The following PRUNE2 variants were observed in gnomAD, a reference collection of about 807,000 sequenced individuals.
PRUNE2 encodes protein prune homolog 2.
A neutral mutation model predicts 252.0 loss-of-function variants in PRUNE2; 164 were observed. The observed-to-expected ratio is 0.65, with a 90% CI of 0.57 to 0.74. The LOEUF (loss-of-function observed/expected upper bound fraction) is 0.74, where lower values mean the gene tolerates loss of function less well. PRUNE2 is among the 30% of genes least tolerant of loss of function. PRUNE2 has a pLI of 0.00. For missense variants in PRUNE2, 3,495 were observed against 3,711.0 expected, an observed-to-expected ratio of 0.94 and a Z score of 1.51; for synonymous variants, 1,292 against 1,350.2, an observed-to-expected ratio of 0.96 and a Z score of 0.94.
chr9:76,864,522 AAATGTCTTT>A (rs2060729958), intron 1 of PRUNE2, among the ~76,000 whole-genome samples: 1 of 152,222 alleles, frequency 6.6e-6, no homozygotes, highest in Admixed American at 6.5e-5. Flanking sequence ...GTTCATTATC[AAATGTCTTT>A]AAAAGTAAGA....
intron 6 of PRUNE2, among the ~76,000 whole-genome samples, chr9:76,762,784 C>T (rs1200369626): frequency 6.6e-6 from 1 of 152,268 alleles, no homozygotes; most frequent in Middle Eastern, 3.4e-3. Flanking sequence ...ACGTAAGGAG[C>T]CTCAGTGGCT....
intron 18 of PRUNE2, among the ~76,000 whole-genome samples, chr9:76,617,826 C>A (rs533220841): frequency 6.6e-6 from 1 of 152,324 alleles, no homozygotes; most frequent in South Asian, 2.1e-4. Context: ...CAAGATGTAG[C>A]AGCGATGGGC....
At position 76,710,847 on chromosome 9, in the gene PRUNE2, G is replaced by T; in HGVS notation, c.1427C>A (p.Ala476Glu). ...LDSYSPIPEGAVAEEHAWSGE... is the reference protein window; with the variant it reads ...LDSYSPIPEGEVAEEHAWSGE... Reference sequence around the variant, plus strand: ...AGACCATGCATGTTCCTCCGCCACCGCCCCTTCAGGGATGGGGCTGTAGGA... The same window carrying T: ...AGACCATGCATGTTCCTCCGCCACCTCCCCTTCAGGGATGGGGCTGTAGGA... The change falls in exon 8 of 19, where the codon GCG (alanine) becomes GAG (glutamate). Residue 476 changes from alanine to glutamate, a missense_variant. Coordinates refer to ENST00000376718, the MANE Select transcript of PRUNE2 (RefSeq NM_015225.3). 1 of 1,543,458 alleles carries T rather than the reference G, an allele frequency of 6.5e-7. No individual in the cohort carries two copies. The highest frequency in any genetic ancestry group is 8.7e-7 in the Non-Finnish European group (1 of 1,146,992).
At chr9:76,748,664 A>G (rs2050348218) in intron 6 of PRUNE2, 1 of 152,274 alleles carries the variant, frequency 6.6e-6, no homozygotes. Context: ...AACTTGCAGA[A>G]GCAATTTGAC....
intron 15 of PRUNE2, among the ~76,000 whole-genome samples, chr9:76,632,484 T>C (rs1436717087): frequency 6.6e-5 from 10 of 152,206 alleles, no homozygotes; most frequent in Admixed American, 6.5e-4. Flanking sequence ...ACGGAGCCTA[T>C]CATTTCTAGG....
rs750115171 is a variant in PRUNE2 at position 76,707,001 on chromosome 9, T to C, written c.5273A>G (p.Asp1758Gly). The change falls in exon 8 of 19, where the codon GAC becomes GGC. Residue 1758 changes from aspartate to glycine, a missense_variant. Asp to Gly is a moderately conservative substitution (Grantham distance 94, BLOSUM62 -1). Coordinates refer to ENST00000376718, the MANE Select transcript of PRUNE2 (RefSeq NM_015225.3). The stretch of plus-strand genomic sequence containing the variant: ...GGGATCAGGGCTGCTTTGTTGATTG[T>C]CACAGAATGGGTTTGACTTATTCTC... Reference protein sequence around the residue: ...ENENKSNPFCDNQQSSPDPWT... With the variant: ...ENENKSNPFCGNQQSSPDPWT... The C allele has an allele frequency of 1.2e-6, 2 of 1,614,058 alleles. No individual in the cohort carries two copies. The highest frequency in any genetic ancestry group is 8.5e-7 in the Non-Finnish European group (1 of 1,179,884).
Position 76,704,805 on chromosome 9 carries a change from T to A in PRUNE2, c.7469A>T (p.Asp2490Val), listed in dbSNP as rs2046192531. ...TCCACCTGCTGGTAAATCAGAATTA[T>A]CTGTTTCTACTTCCCAGTCAACGTT... ...PSNVDWEVETDNSDLPAGGDI... is the reference protein window; with the variant it reads ...PSNVDWEVETVNSDLPAGGDI... Residue 2490 changes from aspartate to valine, a missense_variant, in exon 8 of 19, where the codon GAT (aspartate) becomes GTT (valine). By Grantham distance (152) the Asp-to-Val change is radical (BLOSUM62 -3). Transcript: ENST00000376718. 6.3e-7 allele frequency: 1 copy of A among 1,579,706 alleles called. No homozygotes were observed. Among genetic ancestry groups the A allele is most frequent in the African/African-American group, 1.3e-5 (1 of 74,346 alleles).
intron 6 of PRUNE2, among the ~76,000 whole-genome samples, chr9:76,745,335 G>T (rs1057317020): frequency 6.6e-6 from 1 of 152,180 alleles, no homozygotes; most frequent in African/African-American, 2.4e-5. Context: ...CTGAGGTGTA[G>T]ACATAAACAA....
At chr9:76,771,323 CA>C (rs1257793161) in intron 6 of PRUNE2, among the ~76,000 whole-genome samples, 3 of 152,074 alleles carry the variant, frequency 2.0e-5, no homozygotes, top group African/African-American at 7.2e-5. Context: ...GATACAATAA[CA>C]AAATGAAAAC....
chr9:76,772,221 C>T lies in PRUNE2; in HGVS notation c.756+51411G>A, dbSNP rs912709967. Among the ~76,000 whole-genome samples, 3 of 152,146 alleles carry T rather than the reference C, an allele frequency of 2.0e-5. No individual in the cohort carries two copies. In the South Asian group the frequency reaches 6.2e-4, roughly 32 times the overall value. ...ACCACTTTTTGAGAAGACACCAGTG[C>T]CCACTACAGAGGGAAATAACAGAAT... On this transcript the variant is annotated intron_variant, in intron 6 of 18. Transcript: ENST00000376718.
At chr9:76,831,187 C>T (rs1254356385) in intron 4 of PRUNE2, among the ~76,000 whole-genome samples, 1 of 151,976 alleles carries the variant, frequency 6.6e-6, no homozygotes, top group Non-Finnish European at 1.5e-5. Flanking sequence ...CCTCGGCCTC[C>T]CAAAGTGCTG....
At chr9:76,876,314 C>T (rs2061474113) in intron 1 of PRUNE2, among the ~76,000 whole-genome samples, 1 of 152,128 alleles carries the variant, frequency 6.6e-6, no homozygotes, top group South Asian at 2.1e-4. Flanking sequence ...GGAACACTTC[C>T]TGTTTTTCTG....
intron 6 of PRUNE2, among the ~76,000 whole-genome samples, chr9:76,772,005 T>C (rs995006038): frequency 1.3e-5 from 2 of 152,212 alleles, no homozygotes; most frequent in Admixed American, 6.5e-5. Context: ...CAAATTTGCC[T>C]ATACGAAGTC....
intron 15 of PRUNE2, among the ~76,000 whole-genome samples, chr9:76,629,585 T>C (rs1246979500): frequency 2.0e-5 from 3 of 149,678 alleles, no homozygotes; most frequent in Non-Finnish European, 3.0e-5. Flanking sequence ...AATTTACGTA[T>C]GTATTACTTC....
Position 76,655,872 on chromosome 9 carries a change from C to T in PRUNE2, c.8277-370G>A, listed in dbSNP as rs186828497. Among the ~76,000 whole-genome samples, 781 of 152,266 alleles carry T rather than the reference C, an allele frequency of 5.1e-3. 9 individuals are homozygous for T. The highest frequency in any genetic ancestry group is 0.018 in the African/African-American group (748 of 41,532). On this transcript the variant is annotated intron_variant, in intron 9 of 18. Coordinates refer to ENST00000376718, the MANE Select transcript of PRUNE2 (RefSeq NM_015225.3). ...ATATGTGCTTTGTACACATCTCTTA[C>T]TCTGTAAATTTGAGTATTTTAATTA...
At chr9:76,636,301 CT>C (rs1189132893) in intron 15 of PRUNE2, among the ~76,000 whole-genome samples, 169 bp downstream of exon 15, 43 of 152,248 alleles carry the variant, frequency 2.8e-4, no homozygotes, top group African/African-American at 8.4e-4. Flanking sequence ...CATTTTCTCT[CT>C]TAATTCGGGA....
intron 4 of PRUNE2, among the ~76,000 whole-genome samples, chr9:76,839,398 G>A (rs1274069694): frequency 1.3e-5 from 2 of 152,160 alleles, no homozygotes; most frequent in African/African-American, 4.8e-5. Context: ...AAAGAGAGAT[G>A]ACGAGATACT....
intron 1 of PRUNE2, among the ~76,000 whole-genome samples, chr9:76,864,569 A>T (rs2060732242): frequency 6.6e-6 from 1 of 152,214 alleles, no homozygotes; most frequent in African/African-American, 2.4e-5. Context: ...TAGCACCAAA[A>T]AGAATGATAA....
At chr9:76,735,718 A>T (rs2049017520) in intron 6 of PRUNE2, among the ~76,000 whole-genome samples, 1 of 152,246 alleles carries the variant, frequency 6.6e-6, no homozygotes, top group Non-Finnish European at 1.5e-5. Context: ...TTATGTCTAT[A>T]GAACAATATT....
Sources: allele counts gnomAD v4.1 joint callset (sites outside exome capture counted in the v4.1 genomes callset), GRCh38; gene constraint gnomAD v4.1.1; transcripts MANE v1.5; gene names NCBI Gene and HGNC (gene_info 2026-07-23, HGNC 2026-07-21).